CYREN: variants seen among roughly 807,000 people sequenced by gnomAD.
The protein encoded by CYREN is cell cycle regulator of non-homologous end joining.
A neutral mutation model predicts 9.7 loss-of-function variants in CYREN; 7 were observed. The observed-to-expected ratio is 0.72, with a 90% CI of 0.41 to 1.36. The LOEUF (loss-of-function observed/expected upper bound fraction) is 1.36. Among genes scored for constraint, CYREN ranks in the 40% most tolerant of loss-of-function variants. The pLI, the probability that CYREN is intolerant of heterozygous loss-of-function variation, is 0.01. For missense variants in CYREN, 215 were observed against 198.1 expected, an observed-to-expected ratio of 1.09 and a Z score of -0.51; for synonymous variants, 76 against 77.9, an observed-to-expected ratio of 0.98 and a Z score of 0.13.
chr7:135,162,772 C>T (rs561222995), downstream of CYREN, among the ~76,000 whole-genome samples: 12 of 152,222 alleles, frequency 7.9e-5, no homozygotes, highest in Non-Finnish European at 1.3e-4. Context: ...CCATATCAGC[C>T]GAAACTTATC....
At position 135,101,796 on chromosome 7, in the gene CYREN, G is replaced by T. The variant is rs1444800444; in HGVS notation, n.357-7214C>A. Among the ~76,000 whole-genome samples, 4 of 152,264 alleles carry T rather than the reference G, an allele frequency of 2.6e-5. No individual in the cohort carries two copies. In the East Asian group the frequency reaches 7.7e-4, roughly 29 times the overall value. ...CCATCATGGTTGATATGGTTTGCCTGTGTCCCCACCCAAATCTCATCTTCA... is the reference window on the plus strand; with the variant it reads ...CCATCATGGTTGATATGGTTTGCCTTTGTCCCCACCCAAATCTCATCTTCA... On this transcript the variant is annotated intron_variant and non_coding_transcript_variant, in intron 2 of 2. Transcript: ENST00000459937.
chr7:135,115,158 G>C (rs1427969393), intron 2 of CYREN, among the ~76,000 whole-genome samples: 2 of 151,988 alleles, frequency 1.3e-5, no homozygotes. Context: ...AACCCCTCAA[G>C]AATTCTCTAC....
At chr7:135,096,245 G>A (rs1822671566) in intron 2 of CYREN, among the ~76,000 whole-genome samples, 1 of 151,936 alleles carries the variant, frequency 6.6e-6, no homozygotes, top group Non-Finnish European at 1.5e-5. Flanking sequence ...TGTGTATATT[G>A]GGATCATGTT....
downstream of CYREN, chr7:135,164,486 G>C: frequency 1.9e-6 from 3 of 1,606,198 alleles, no homozygotes; most frequent in Non-Finnish European, 1.7e-6. Context: ...TGCTGTTCAT[G>C]AGCATCATAG....
chr7:135,147,895 G>T, intron 2 of CYREN: 1 of 456,024 alleles, frequency 2.2e-6, no homozygotes. Context: ...ACATTTACCT[G>T]GCTCTTTAAA....
chr7:135,124,521 G>A (rs1160160798), intron 2 of CYREN, among the ~76,000 whole-genome samples: 1 of 152,180 alleles, frequency 6.6e-6, no homozygotes, highest in African/African-American at 2.4e-5. Flanking sequence ...TTCAGGACTT[G>A]AACTCTCAGC....
chr7:135,147,830 T>A (rs1468528061), intron 2 of CYREN: 2 of 456,126 alleles, frequency 4.4e-6, no homozygotes, highest in Admixed American at 2.3e-5. Context: ...CACTGGGAGC[T>A]TCGAGAGTTC....
chr7:135,169,701 G>T (rs1830506876), intron 1 of CYREN, among the ~76,000 whole-genome samples: 1 of 152,120 alleles, frequency 6.6e-6, no homozygotes, highest in Non-Finnish European at 1.5e-5. Context: ...CCACTCAGCA[G>T]TCCTGGAGCT....
chr7:135,125,558 C>T (rs1415683826), intron 2 of CYREN, among the ~76,000 whole-genome samples: 1 of 152,156 alleles, frequency 6.6e-6, no homozygotes, highest in Non-Finnish European at 1.5e-5. Flanking sequence ...CCACCATCAT[C>T]CTGATACCAA....
chr7:135,161,708 T>G (rs966117986), downstream of CYREN, among the ~76,000 whole-genome samples: 5 of 152,218 alleles, frequency 3.3e-5, no homozygotes, highest in African/African-American at 1.2e-4. This position sits in a 1 kb window ranked among gnomAD's most constrained non-coding sequence, Gnocchi z 4.1. Flanking sequence ...CAAGCATCAT[T>G]GCTCCAAGAA....
At chr7:135,150,634 A>G (rs1829646421) in intron 2 of CYREN, among the ~76,000 whole-genome samples, 1 of 152,216 alleles carries the variant, frequency 6.6e-6, no homozygotes, top group Non-Finnish European at 1.5e-5. Context: ...GGCAGTCACC[A>G]GTTTCTGGTA....
At chr7:135,132,661 C>G (rs761246189) in intron 2 of CYREN, among the ~76,000 whole-genome samples, 1 of 152,116 alleles carries the variant, frequency 6.6e-6, no homozygotes, top group Non-Finnish European at 1.5e-5. Context: ...ATACTCTTCT[C>G]GTGGTACTGA....
chr7:135,101,569 C>T (rs957984097), intron 2 of CYREN, among the ~76,000 whole-genome samples: 6 of 152,228 alleles, frequency 3.9e-5, no homozygotes, highest in Non-Finnish European at 5.9e-5. Context: ...CACCACCACC[C>T]GCCAAGAAAA....
intron 3 of CYREN, 147 bp from the exon 4 acceptor site, chr7:135,167,018 C>G: frequency 1.4e-6 from 2 of 1,454,844 alleles, no homozygotes; most frequent in African/African-American, 1.4e-5. Context: ...GAGCACCCAC[C>G]CTCTCTTCAC....
intron 2 of CYREN, among the ~76,000 whole-genome samples, chr7:135,137,937 G>A (rs1367640643): frequency 6.6e-6 from 1 of 151,910 alleles, no homozygotes; most frequent in Non-Finnish European, 1.5e-5. Context: ...TCTCATTCAT[G>A]AGGGCTTCAC....
chr7:135,125,502 C>A (rs1002063828), intron 2 of CYREN, among the ~76,000 whole-genome samples: 1 of 152,126 alleles, frequency 6.6e-6, no homozygotes, highest in African/African-American at 2.4e-5. Flanking sequence ...GAAACTACTC[C>A]AAACAATTGA....
At chr7:135,108,621 G>A (rs1825135950) in intron 2 of CYREN, among the ~76,000 whole-genome samples, 1 of 152,036 alleles carries the variant, frequency 6.6e-6, no homozygotes, top group Admixed American at 6.6e-5. Context: ...CTCTCTACCT[G>A]CCTTTAATAG....
intron 2 of CYREN, among the ~76,000 whole-genome samples, chr7:135,138,713 A>G (rs1829399335): frequency 6.6e-6 from 1 of 151,966 alleles, no homozygotes; most frequent in African/African-American, 2.4e-5. Flanking sequence ...ATAATACACA[A>G]TAGGTAGATT....
chr7:135,097,278 T>C (rs1202560960), intron 2 of CYREN, among the ~76,000 whole-genome samples: 1 of 152,178 alleles, frequency 6.6e-6, no homozygotes, highest in African/African-American at 2.4e-5. Context: ...TGTCAGATCT[T>C]ACCAACAATA....
Sources: allele counts gnomAD v4.1 joint callset (sites outside exome capture counted in the v4.1 genomes callset), GRCh38; gene constraint gnomAD v4.1.1; non-coding constraint Gnocchi (gnomAD v3.1); transcripts MANE v1.5; gene names NCBI Gene and HGNC (gene_info 2026-07-23, HGNC 2026-07-21).